Variants in IMMP2L observed in about 807,000 individuals in gnomAD.
The protein encoded by IMMP2L is inner mitochondrial membrane peptidase subunit 2.
A neutral mutation model predicts 19.3 loss-of-function variants in IMMP2L; 18 were observed. That is an observed-to-expected ratio of 0.93 (90% confidence interval 0.64 to 1.38). IMMP2L has a LOEUF of 1.38. IMMP2L is among the 40% of genes most tolerant of loss of function. The probability of loss-of-function intolerance (pLI) is 0.00; values close to 1 mark genes in which losing one functional copy is unlikely to be tolerated. For synonymous variants in IMMP2L, 76 were observed against 73.0 expected, an observed-to-expected ratio of 1.04 and a Z score of -0.21; for missense variants, 233 against 218.2, an observed-to-expected ratio of 1.07 and a Z score of -0.43.
intron 3 of IMMP2L, among the ~76,000 whole-genome samples, chr7:111,208,840 T>G (rs555770386): frequency 6.6e-6 from 1 of 152,298 alleles, no homozygotes; most frequent in South Asian, 2.1e-4. Context: ...GCTAATATGT[T>G]ATCATTACTC....
At chr7:111,429,020 C>T (rs1265784905) in intron 3 of IMMP2L, among the ~76,000 whole-genome samples, 1 of 151,864 alleles carries the variant, frequency 6.6e-6, no homozygotes, top group Admixed American at 6.6e-5. Flanking sequence ...GGTGGATGGA[C>T]AGATACATAA....
intron 3 of IMMP2L, among the ~76,000 whole-genome samples, chr7:111,082,426 G>A (rs757219): frequency 0.7 from 106,890 of 152,120 alleles, 41,490 homozygotes; most frequent in Non-Finnish European, 0.86. Flanking sequence ...ACAGTACAAC[G>A]CTTTGTGAAT....
At chr7:111,119,344 TC>T (rs1800297446) in intron 3 of IMMP2L, among the ~76,000 whole-genome samples, 1 of 152,184 alleles carries the variant, frequency 6.6e-6, no homozygotes, top group African/African-American at 2.4e-5. Context: ...TCTGTTTACT[TC>T]TGTTTCCCCT....
rs1163090680 is a variant in IMMP2L at position 110,885,480 on chromosome 7, C to T, written c.408+1113G>A. On this transcript the variant is annotated intron_variant, in intron 5 of 5. Transcript: ENST00000405709. ...TGCCAGTTAACTCAAAGATTCTTCACTTTATATTATAAGCTATTGCAGGGA... is the reference window on the plus strand; with the variant it reads ...TGCCAGTTAACTCAAAGATTCTTCATTTTATATTATAAGCTATTGCAGGGA... Among the ~76,000 whole-genome samples, 5 of 151,428 alleles carry T rather than the reference C, an allele frequency of 3.3e-5. No individual in the cohort carries two copies. In the East Asian group the frequency reaches 9.7e-4, roughly 29 times the overall value.
chr7:111,346,588 T>G lies in IMMP2L; in HGVS notation c.239+140650A>C, dbSNP rs191724944. Among the ~76,000 whole-genome samples, 4 of 152,234 alleles carry G rather than the reference T, an allele frequency of 2.6e-5. No homozygotes were observed. In the East Asian group the frequency reaches 7.7e-4, roughly 29 times the overall value. On this transcript the variant is annotated intron_variant, in intron 3 of 5. Coordinates refer to ENST00000405709, the MANE Select transcript of IMMP2L (RefSeq NM_032549.4). Reference sequence around the variant, plus strand: ...TAAGTGATAAAATTTATACTTTCACTATGGTATTTTAAAAGATCCCTCTGG... The same window carrying G: ...TAAGTGATAAAATTTATACTTTCACGATGGTATTTTAAAAGATCCCTCTGG...
intron 5 of IMMP2L, among the ~76,000 whole-genome samples, chr7:110,868,911 A>T (rs1808272890): frequency 6.6e-6 from 1 of 151,606 alleles, no homozygotes; most frequent in Non-Finnish European, 1.5e-5. Flanking sequence ...AAGGAACAAA[A>T]TTTCTTGAAA....
At chr7:110,689,533 T>A (rs6943916) in intron 5 of IMMP2L, among the ~76,000 whole-genome samples, 33,073 of 152,078 alleles carry the variant, frequency 0.22, 4,282 homozygotes, top group African/African-American at 0.35. Context: ...TTTCTAAAAG[T>A]CAGCTTTTTT....
chr7:111,385,453 G>C (rs116524805), intron 3 of IMMP2L, among the ~76,000 whole-genome samples: 2,953 of 152,160 alleles, frequency 0.019, 100 homozygotes, highest in African/African-American at 0.067. Context: ...GACCCATAGC[G>C]CTACCCTAGG....
intron 3 of IMMP2L, among the ~76,000 whole-genome samples, chr7:111,089,684 T>G (rs951916325): frequency 6.6e-6 from 1 of 152,036 alleles, no homozygotes; most frequent in African/African-American, 2.4e-5. Flanking sequence ...CAGTAAATAA[T>G]AAAACCTTAC....
intron 3 of IMMP2L, among the ~76,000 whole-genome samples, chr7:111,001,157 C>T (rs562849235): frequency 1.3e-5 from 2 of 152,306 alleles, no homozygotes; most frequent in South Asian, 2.1e-4. Context: ...TAATGTCACA[C>T]AGGATTTGAG....
chr7:111,006,752 C>T (rs542274349), intron 3 of IMMP2L, among the ~76,000 whole-genome samples: 20 of 152,236 alleles, frequency 1.3e-4, no homozygotes, highest in Admixed American at 9.2e-4. Context: ...TTTTCTCTCT[C>T]TTTCTAAAAT....
chr7:111,172,923 C>T (rs1806613294), intron 3 of IMMP2L, among the ~76,000 whole-genome samples: 3 of 151,614 alleles, frequency 2.0e-5, no homozygotes, highest in South Asian at 2.1e-4. Context: ...GGAAAAACCA[C>T]TGTGCCGATA....
chr7:111,130,590 G>A (rs1261940974), intron 3 of IMMP2L, among the ~76,000 whole-genome samples: 1 of 152,090 alleles, frequency 6.6e-6, no homozygotes, highest in Non-Finnish European at 1.5e-5. Flanking sequence ...ATAATGGAGT[G>A]AGCTTGGAAC....
chr7:111,404,321 G>A (rs39725), intron 3 of IMMP2L, among the ~76,000 whole-genome samples: 33,854 of 151,874 alleles, frequency 0.22, 5,498 homozygotes, highest in African/African-American at 0.45. Flanking sequence ...GGTTTTCCCA[G>A]CTGTCACTGT....
chr7:111,501,234 CGAAAT>C (rs1563276855), intron 2 of IMMP2L, among the ~76,000 whole-genome samples: 1 of 151,320 alleles, frequency 6.6e-6, no homozygotes, highest in African/African-American at 2.4e-5. Flanking sequence ...TGATGGAAGA[CGAAAT>C]GAATGAAATG....
chr7:111,519,271 C>G (rs1241954633), intron 2 of IMMP2L, among the ~76,000 whole-genome samples: 1 of 152,154 alleles, frequency 6.6e-6, no homozygotes, highest in East Asian at 1.9e-4. Context: ...AAAGACGGAG[C>G]ACTCCAGCGG....
intron 3 of IMMP2L, among the ~76,000 whole-genome samples, chr7:111,021,613 T>G (rs1826283116): frequency 6.6e-6 from 1 of 152,198 alleles, no homozygotes; most frequent in Non-Finnish European, 1.5e-5. Flanking sequence ...CTGGGCACGG[T>G]GGCTGACGCC....
rs74824274 is a variant in IMMP2L, at chr7:111,169,346, A to T, written c.240-205781T>A. On this transcript the variant is annotated intron_variant, in intron 3 of 5. Coordinates refer to ENST00000405709, the MANE Select transcript of IMMP2L (RefSeq NM_032549.4). ...ACTTAAGATGGTACTTCAGGACGTT[A>T]ATCCAAAATTTTCTCAGTTGGCTGA... Among the ~76,000 whole-genome samples the T allele has an allele frequency of 3.9e-3, 598 of 151,914 alleles. 7 individuals carry two copies. The highest frequency in any genetic ancestry group is 0.014 in the African/African-American group (581 of 41,458).
intron 3 of IMMP2L, among the ~76,000 whole-genome samples, chr7:111,226,694 A>G (rs550321354): frequency 6.6e-6 from 1 of 152,286 alleles, no homozygotes; most frequent in East Asian, 1.9e-4. Flanking sequence ...GAAGTGAAAT[A>G]AGAAATAAAT....
Sources: gnomAD v4.1 joint callset for allele counts (sites outside exome capture counted in the v4.1 genomes callset) on GRCh38, gnomAD v4.1.1 for gene constraint, MANE v1.5 for transcripts, NCBI Gene and HGNC (gene_info 2026-07-23, HGNC 2026-07-21) for gene names.